The following ZBTB7C variants were observed in gnomAD, a reference collection of about 807,000 sequenced individuals.
The protein encoded by ZBTB7C is zinc finger and BTB domain containing 7C.
ZBTB7C carries 8 observed loss-of-function variants against 25.7 expected under a neutral mutation model. The observed-to-expected ratio is 0.31, with a 90% CI of 0.18 to 0.56. The LOEUF is 0.56. ZBTB7C is among the 20% of genes least tolerant of loss of function. The probability of loss-of-function intolerance (pLI) is 0.91; values close to 1 mark genes in which losing one functional copy is unlikely to be tolerated. For synonymous variants in ZBTB7C, 394 were observed against 369.0 expected, an observed-to-expected ratio of 1.07 and a Z score of -0.78; for missense variants, 824 against 855.2, an observed-to-expected ratio of 0.96 and a Z score of 0.46.
At chr18:48,046,641 T>A (rs1331188223) in intron 3 of ZBTB7C, among the ~76,000 whole-genome samples, 1 of 152,222 alleles carries the variant, frequency 6.6e-6, no homozygotes, top group Non-Finnish European at 1.5e-5. Context: ...AACCCGTTAG[T>A]CCACGTGTTG....
At chr18:48,062,836 G>C (rs373620969) in intron 3 of ZBTB7C, among the ~76,000 whole-genome samples, 1 of 152,248 alleles carries the variant, frequency 6.6e-6, no homozygotes, top group Non-Finnish European at 1.5e-5. Flanking sequence ...ATGTCAAAGT[G>C]TCTACCTGGT....
chr18:48,143,926 C>T (rs894467938), intron 3 of ZBTB7C, among the ~76,000 whole-genome samples: 2 of 152,202 alleles, frequency 1.3e-5, no homozygotes, highest in Non-Finnish European at 2.9e-5. Flanking sequence ...CTATTGCAGT[C>T]CGGCCCAACT....
intron 2 of ZBTB7C, among the ~76,000 whole-genome samples, chr18:48,267,218 A>AG (rs2044341474): frequency 6.6e-6 from 1 of 152,240 alleles, no homozygotes; most frequent in Admixed American, 6.5e-5. Context: ...ACTACATGAC[A>AG]GGAAGTTTTC....
At chr18:48,329,693 G>A (rs893172734) in intron 2 of ZBTB7C, among the ~76,000 whole-genome samples, 3 of 152,164 alleles carry the variant, frequency 2.0e-5, no homozygotes, top group Non-Finnish European at 2.9e-5. Flanking sequence ...TCCTTGAAGT[G>A]TTTGTACCGA....
intron 3 of ZBTB7C, among the ~76,000 whole-genome samples, chr18:48,104,677 T>A (rs1237885808): frequency 6.6e-6 from 1 of 152,216 alleles, no homozygotes; most frequent in Admixed American, 6.5e-5. Flanking sequence ...TCTTTCTTTT[T>A]CTTTGCTATG....
intron 3 of ZBTB7C, among the ~76,000 whole-genome samples, chr18:48,124,208 C>T (rs11659684): frequency 0.16 from 23,953 of 152,178 alleles, 2,009 homozygotes; most frequent in South Asian, 0.23. Flanking sequence ...ATGAAAAAGC[C>T]GAACAAAGCC....
chr18:48,312,789 G>T (rs953253398), intron 2 of ZBTB7C, among the ~76,000 whole-genome samples: 1 of 152,170 alleles, frequency 6.6e-6, no homozygotes, highest in African/African-American at 2.4e-5. Flanking sequence ...CTCAATCATT[G>T]GTTCAGCAGT....
At chr18:48,136,831 C>G (rs1346894734) in intron 3 of ZBTB7C, among the ~76,000 whole-genome samples, 1 of 152,182 alleles carries the variant, frequency 6.6e-6, no homozygotes, top group Admixed American at 6.5e-5. Flanking sequence ...CCAGCCAGAG[C>G]CGCCCCGCGG....
chr18:48,389,323 G>C (rs2047840913), intron 1 of ZBTB7C, among the ~76,000 whole-genome samples: 1 of 144,568 alleles, frequency 6.9e-6, no homozygotes, highest in Non-Finnish European at 1.5e-5. Context: ...CTGTAGATGG[G>C]GTTATAGGAG....
chr18:48,168,261 A>T (rs1035108834), intron 3 of ZBTB7C, among the ~76,000 whole-genome samples: 3 of 152,214 alleles, frequency 2.0e-5, no homozygotes, highest in African/African-American at 7.2e-5. Flanking sequence ...TACTTGCTGC[A>T]AGGCAACCTC....
intron 2 of ZBTB7C, among the ~76,000 whole-genome samples, chr18:48,253,077 G>C (rs910460615): frequency 6.6e-6 from 1 of 152,154 alleles, no homozygotes; most frequent in South Asian, 2.1e-4. Context: ...GCAGTGCAAA[G>C]GCTGCTGGAG....
intron 3 of ZBTB7C, among the ~76,000 whole-genome samples, chr18:48,124,766 G>A (rs73954901): frequency 0.066 from 10,058 of 152,264 alleles, 1,082 homozygotes; most frequent in African/African-American, 0.23. Context: ...AGCAGGGGTG[G>A]GTGAGAAAGC....
chr18:48,330,072 C>G (rs2046309557), intron 2 of ZBTB7C, among the ~76,000 whole-genome samples: 2 of 152,224 alleles, frequency 1.3e-5, no homozygotes, highest in Admixed American at 1.3e-4. Context: ...TGGGGGTCAA[C>G]TCTGTGCCAG....
chr18:48,103,176 G>A (rs1376366384), intron 3 of ZBTB7C, among the ~76,000 whole-genome samples: 1 of 135,268 alleles, frequency 7.4e-6, no homozygotes, highest in Non-Finnish European at 1.6e-5. Flanking sequence ...AAAGTGATGG[G>A]GTGCTAGGGG....
At chr18:48,296,562 A>G (rs2045397238) in intron 2 of ZBTB7C, among the ~76,000 whole-genome samples, 1 of 152,192 alleles carries the variant, frequency 6.6e-6, no homozygotes, top group African/African-American at 2.4e-5. Context: ...CACACGATGG[A>G]GCATCCCAAA....
At chr18:48,100,894 AGGGGCGGTAGGGGACTGGTGGG>A (rs148766941) in intron 3 of ZBTB7C, among the ~76,000 whole-genome samples, 87,044 of 151,362 alleles carry the variant, frequency 0.58, 25,203 homozygotes, top group South Asian at 0.67. Context: ...CCCTGCCTGT[AGGGGCGGTAGGGGACTGGTGGG>A]GGGGCTGGAA....
At chr18:48,274,766 C>T (rs1182423229) in intron 2 of ZBTB7C, among the ~76,000 whole-genome samples, 1 of 152,224 alleles carries the variant, frequency 6.6e-6, no homozygotes, top group Non-Finnish European at 1.5e-5. Flanking sequence ...CTGTCCCTCT[C>T]CCACAGTCAT....
chr18:48,343,536 T>C (rs1362198810), intron 1 of ZBTB7C, among the ~76,000 whole-genome samples: 1 of 152,216 alleles, frequency 6.6e-6, no homozygotes, highest in East Asian at 1.9e-4. Flanking sequence ...GGAGGCCGCA[T>C]TGCTGGCTGG....
At chr18:48,347,738 G>A (rs2046774485) in intron 1 of ZBTB7C, among the ~76,000 whole-genome samples, 1 of 152,208 alleles carries the variant, frequency 6.6e-6, no homozygotes, top group South Asian at 2.1e-4. Context: ...GAGCCTGGAG[G>A]TTGTGGTCAC....
Sources: gnomAD v4.1 joint callset for allele counts (sites outside exome capture counted in the v4.1 genomes callset) on GRCh38, gnomAD v4.1.1 for gene constraint, MANE v1.5 for transcripts, NCBI Gene and HGNC (gene_info 2026-07-23, HGNC 2026-07-21) for gene names.